SLC35D4: variants seen among roughly 807,000 people sequenced by gnomAD.
SLC35D4 encodes the protein solute carrier family 35 member D4.
At chr18:23,284,052 C>A in the SLC35D4 span, among the ~76,000 whole-genome samples, 1 of 152,160 alleles carries the variant, frequency 6.6e-6, no homozygotes, top group African/African-American at 2.4e-5. Flanking sequence ...TGTCACAGTG[C>A]TGGTGAGAGT....
chr18:23,269,749 G>A, the SLC35D4 span, among the ~76,000 whole-genome samples: 1 of 152,214 alleles, frequency 6.6e-6, no homozygotes, highest in Non-Finnish European at 1.5e-5. Context: ...GAACTTGTTG[G>A]GAACTGGAAT....
At chr18:23,353,591 T>G in the SLC35D4 span, among the ~76,000 whole-genome samples, 6 of 152,180 alleles carry the variant, frequency 3.9e-5, no homozygotes, top group African/African-American at 1.4e-4. Context: ...AGACAGGCAT[T>G]AGGTTTCCCC....
the SLC35D4 span, chr18:23,257,293 G>C: frequency 6.2e-7 from 1 of 1,613,908 alleles, no homozygotes; most frequent in Admixed American, 1.7e-5. Flanking sequence ...GGTGTTAGTG[G>C]CCTTGGAATT....
chr18:23,341,272 G>A, the SLC35D4 span, among the ~76,000 whole-genome samples: 1 of 152,168 alleles, frequency 6.6e-6, no homozygotes, highest in African/African-American at 2.4e-5. Context: ...CAATAATAGT[G>A]ATAACAACCT....
chr18:23,268,048 C>T, the SLC35D4 span, among the ~76,000 whole-genome samples: 1 of 152,180 alleles, frequency 6.6e-6, no homozygotes, highest in Non-Finnish European at 1.5e-5. Flanking sequence ...CATGCTGCAG[C>T]CATTTGGCCT....
chr18:23,256,955 A>T, the SLC35D4 span, among the ~76,000 whole-genome samples: 3 of 152,236 alleles, frequency 2.0e-5, no homozygotes, highest in Non-Finnish European at 4.4e-5. Context: ...GATACGGAGC[A>T]TGAACCATGT....
chr18:23,412,784 C>A, the SLC35D4 span, among the ~76,000 whole-genome samples: 44 of 152,352 alleles, frequency 2.9e-4, no homozygotes, highest in South Asian at 2.7e-3. Context: ...TCACACCCAA[C>A]CGTTTATGTA....
the SLC35D4 span, among the ~76,000 whole-genome samples, chr18:23,284,224 C>G: frequency 5.3e-5 from 8 of 152,220 alleles, no homozygotes; most frequent in East Asian, 1.2e-3. Flanking sequence ...TTGTGCTGCC[C>G]TCCTGACTCA....
chr18:23,338,062 T>C, the SLC35D4 span, among the ~76,000 whole-genome samples: 2 of 152,218 alleles, frequency 1.3e-5, no homozygotes, highest in African/African-American at 4.8e-5. Context: ...AATTCCAGTG[T>C]ATAATTAAGG....
the SLC35D4 span, among the ~76,000 whole-genome samples, chr18:23,336,778 C>T: frequency 2.7e-3 from 412 of 152,236 alleles, 5 homozygotes; most frequent in African/African-American, 9.6e-3. Context: ...CTGTGATTAC[C>T]GTTCACCATC....
the SLC35D4 span, among the ~76,000 whole-genome samples, chr18:23,275,019 TTGTG>T: frequency 6.7e-6 from 1 of 148,682 alleles, no homozygotes. Flanking sequence ...ATGTGTGTGC[TTGTG>T]TGTCTGCTTG....
At chr18:23,299,142 G>A in the SLC35D4 span, among the ~76,000 whole-genome samples, 6 of 152,250 alleles carry the variant, frequency 3.9e-5, no homozygotes, top group East Asian at 1.9e-4. Flanking sequence ...AAGCTCTGGC[G>A]CAGGCATTTG....
the SLC35D4 span, among the ~76,000 whole-genome samples, chr18:23,288,821 C>A: frequency 6.6e-6 from 1 of 152,112 alleles, no homozygotes; most frequent in African/African-American, 2.4e-5. Flanking sequence ...TTCAGTGAAA[C>A]CTTTATATCC....
At chr18:23,261,174 C>A in the SLC35D4 span, among the ~76,000 whole-genome samples, 2 of 152,178 alleles carry the variant, frequency 1.3e-5, no homozygotes, top group Non-Finnish European at 2.9e-5. Context: ...CATCAATACA[C>A]CTAGTACGGC....
At chr18:23,285,939 A>T in the SLC35D4 span, among the ~76,000 whole-genome samples, 2 of 151,762 alleles carry the variant, frequency 1.3e-5, no homozygotes, top group Non-Finnish European at 2.9e-5. Flanking sequence ...GCTCTTTTTC[A>T]TCAAATATAA....
the SLC35D4 span, chr18:23,421,301 A>T: frequency 7.5e-7 from 1 of 1,334,576 alleles, no homozygotes; most frequent in Non-Finnish European, 1.1e-6. Context: ...CACCATATGA[A>T]ATTATATAAT....
At chr18:23,385,704 GGGACCCA>G in the SLC35D4 span, among the ~76,000 whole-genome samples, 2 of 152,186 alleles carry the variant, frequency 1.3e-5, no homozygotes, top group African/African-American at 4.8e-5. Context: ...ATGGTTCTGA[GGGACCCA>G]GGAACCAGTG....
chr18:23,321,848 A>T, the SLC35D4 span, among the ~76,000 whole-genome samples: 2 of 152,242 alleles, frequency 1.3e-5, no homozygotes, highest in African/African-American at 4.8e-5. Context: ...ATCATAGTCT[A>T]GGTTTTTGTA....
chr18:23,311,523 A>G, the SLC35D4 span, among the ~76,000 whole-genome samples: 2 of 152,194 alleles, frequency 1.3e-5, no homozygotes, highest in Admixed American at 6.5e-5. Flanking sequence ...TACTAACCAC[A>G]TAAGTGAGTT....
Sources: allele counts gnomAD v4.1 joint callset (sites outside exome capture counted in the v4.1 genomes callset), GRCh38; gene constraint gnomAD v4.1.1; transcripts MANE v1.5; gene names NCBI Gene and HGNC (gene_info 2026-07-23, HGNC 2026-07-21).